The following ZNF274 variants were observed in gnomAD, a reference collection of about 807,000 sequenced individuals.
ZNF274 encodes the protein zinc finger protein 274.
In ZNF274, 23 loss-of-function variants were observed where a neutral mutation model predicts 42.5. The observed-to-expected ratio is 0.54, with a 90% CI of 0.39 to 0.77. ZNF274 has a LOEUF of 0.77. Ranked by LOEUF, ZNF274 falls within the 30% of genes least tolerant of loss-of-function variation. The pLI is 0.00. For synonymous variants in ZNF274, 292 were observed against 305.4 expected (o/e 0.96, Z 0.46); for missense variants, 679 against 806.5 (o/e 0.84, Z 1.91).
intron 4 of ZNF274, among the ~76,000 whole-genome samples, chr19:58,205,062 A>G (rs2075966387): frequency 6.6e-6 from 1 of 152,136 alleles, no homozygotes; most frequent in Non-Finnish European, 1.5e-5. Flanking sequence ...TGTGTTAACT[A>G]TATTTGGTTT....
intron 2 of ZNF274, 170 bp from the exon 3 acceptor site, chr19:58,185,542 G>A: frequency 1.9e-6 from 1 of 513,382 alleles, no homozygotes; most frequent in South Asian, 7.1e-5. Context: ...TCAAGCTTGG[G>A]TTTGCTTGGG....
At chr19:58,199,699 C>T (rs1436876241) in intron 4 of ZNF274, among the ~76,000 whole-genome samples, 5 of 152,130 alleles carry the variant, frequency 3.3e-5, no homozygotes, top group East Asian at 1.9e-4. Flanking sequence ...GCTTATGGTG[C>T]GAGATTCCAT....
At chr19:58,199,184 G>T (rs1307415736) in intron 4 of ZNF274, among the ~76,000 whole-genome samples, 1 of 151,856 alleles carries the variant, frequency 6.6e-6, no homozygotes, top group Admixed American at 6.6e-5. Flanking sequence ...TGGCAAACAT[G>T]TCAAAACCCT....
Position 58,211,723 on chromosome 19 carries a change from GGTA to G in ZNF274, c.979+39_979+41del. 1.9e-6 allele frequency: 3 copies of G among 1,584,694 alleles called. No homozygotes were observed. The highest frequency in any genetic ancestry group is 1.3e-5 in the African/African-American group (1 of 74,252). On this transcript the variant is annotated intron_variant, in intron 7 of 7. Transcript: ENST00000617501. The surrounding 1 kb of genome is among the most constrained non-coding windows in gnomAD (Gnocchi z 4.8). ...CCCCCTCTTCACCCACCTCAGGGCT[GGTA>G]GGCCACAGGAGCCCCAAGTCAGGGG...
chr19:58,186,176 TAAAAAAA>T (rs33929829), intron 3 of ZNF274: 1 of 134,178 alleles, frequency 7.5e-6, no homozygotes, highest in Admixed American at 7.6e-5. Context: ...GTGTCTCTAT[TAAAAAAA>T]AAAAAAAAAA....
chr19:58,194,982 C>G (rs2075824008), intron 4 of ZNF274, among the ~76,000 whole-genome samples: 3 of 151,222 alleles, frequency 2.0e-5, no homozygotes, highest in Admixed American at 6.6e-5. Context: ...GCCTGGGCGA[C>G]AGAGTGAGAC....
intron 4 of ZNF274, among the ~76,000 whole-genome samples, chr19:58,204,081 C>A (rs376994061): frequency 6.6e-6 from 1 of 152,152 alleles, no homozygotes; most frequent in African/African-American, 2.4e-5. Context: ...GGTTTGTACT[C>A]GAGGAACGGG....
intron 4 of ZNF274, among the ~76,000 whole-genome samples, chr19:58,200,719 C>T (rs1260670261): frequency 1.3e-5 from 2 of 152,126 alleles, no homozygotes; most frequent in Admixed American, 6.5e-5. Context: ...ACCCCTTTAG[C>T]GTCAAGGACA....
intron 4 of ZNF274, among the ~76,000 whole-genome samples, chr19:58,194,370 CCTTT>C (rs2075814280): frequency 9.3e-6 from 1 of 107,628 alleles, no homozygotes; most frequent in East Asian, 2.7e-4. Flanking sequence ...TTGTTTTTTA[CCTTT>C]TTTTTTTTTT....
chr19:58,185,817 T>G lies in ZNF274; in HGVS notation c.139T>G (p.Tyr47Asp), dbSNP rs2075691081. The change falls in exon 3 of 8, where the codon TAC becomes GAC. Residue 47 changes from tyrosine to aspartate, a missense_variant. Around this residue, in one of 2 missense-constraint regions of ZNF274, gnomAD observed 223 missense variants for 216.4 expected, o/e 1.03. Coordinates refer to ENST00000617501, the MANE Select transcript of ZNF274 (RefSeq NM_133502.3). ...SLYREVMLEN[Y>D]RNLVSVEHQL... ...GTACAGGGAAGTGATGCTGGAGAAC[T>G]ACAGGAACCTGGTCTCAGTGGGTAA... 7.1e-7 allele frequency: 1 copy of G among 1,405,260 alleles called. No individual in the cohort carries two copies. The highest frequency in any genetic ancestry group is 2.6e-5 in the Admixed American group (1 of 37,834). The allele number at this position is 1,405,260 out of a possible 1,614,324, so 87.0% of individuals were successfully genotyped here. A position where few individuals can be genotyped will look rare whatever the true frequency, so the allele number is the denominator to read the frequency against.
At chr19:58,206,244 TTAG>T (rs779475477) in intron 4 of ZNF274, among the ~76,000 whole-genome samples, 2 of 152,260 alleles carry the variant, frequency 1.3e-5, no homozygotes, top group African/African-American at 4.8e-5. Context: ...GTAGCATATA[TTAG>T]TAGTACTTCA....
In ZNF274 at chr19:58,211,063, C is replaced by T. The variant is rs1568713080; in HGVS notation, c.853-497C>T. On this transcript the variant is annotated intron_variant, in intron 6 of 7. Transcript: ENST00000617501. The surrounding 1 kb of genome is among the most constrained non-coding windows in gnomAD (Gnocchi z 4.8). ...ATTCTGCCCCATGTAAGCAAAATGC[C>T]TCAGATCCTGGCAAAGCAGCGTTGG... The T allele has an allele frequency of 6.6e-6, 1 of 152,654 alleles. No homozygotes were observed. The allele number at this position is 152,654 out of a possible 1,614,324, so 9.5% of individuals were successfully genotyped here.
intron 4 of ZNF274, among the ~76,000 whole-genome samples, chr19:58,204,473 T>C (rs1215477351): frequency 6.6e-6 from 1 of 152,018 alleles, no homozygotes; most frequent in Non-Finnish European, 1.5e-5. Flanking sequence ...GGTTGTGGCC[T>C]CGCATTCCTG....
chr19:58,205,511 C>T (rs2075970358), intron 4 of ZNF274, among the ~76,000 whole-genome samples: 1 of 152,076 alleles, frequency 6.6e-6, no homozygotes, highest in African/African-American at 2.4e-5. Flanking sequence ...TTAATTTAAA[C>T]TTTTTTAGAG....
At chr19:58,189,847 G>A (rs982266759) in intron 4 of ZNF274, among the ~76,000 whole-genome samples, 6 of 151,954 alleles carry the variant, frequency 3.9e-5, no homozygotes, top group South Asian at 2.1e-4. Context: ...TTGGCCGGGC[G>A]GGCACGGTGG....
intron 4 of ZNF274, among the ~76,000 whole-genome samples, chr19:58,188,722 AT>A (rs2075743180): frequency 1.5e-5 from 2 of 132,744 alleles, no homozygotes; most frequent in Non-Finnish European, 3.2e-5. Context: ...ATATATATAT[AT>A]AAATCTTTAA....
Position 58,206,866 on chromosome 19 carries a change from G to A in ZNF274, c.403G>A (p.Asp135Asn). The A allele has an allele frequency of 6.2e-7, 1 of 1,613,948 alleles. No individual in the cohort carries two copies. Among genetic ancestry groups the A allele is most frequent in the South Asian group, 1.1e-5 (1 of 91,056 alleles). The change falls in exon 5 of 8, where the codon GAT (aspartate) becomes AAT (asparagine). Residue 135 changes from aspartate (D) to asparagine (N), a missense_variant. Physicochemically the swap from Asp to Asn is conservative, Grantham distance 23 (BLOSUM62 1). This residue lies in a region of ZNF274 where 223 missense variants were observed against 216.4 expected (regional missense o/e 1.03). Coordinates refer to ENST00000617501, the MANE Select transcript of ZNF274 (RefSeq NM_133502.3). ...CCAGATCCAGGCCCTATATGCTGAA[G>A]ATGGAAGCCTGAGTGCAGATGCCCC... Reference protein sequence around the residue: ...NAQIQALYAEDGSLSADAPSE... With the variant: ...NAQIQALYAENGSLSADAPSE...
chr19:58,210,250 C>T lies in ZNF274; in HGVS notation c.852+177C>T, dbSNP rs533006757. The T allele has an allele frequency of 5.7e-6, 3 of 523,306 alleles. No homozygotes were observed. The African/African-American group carries it at 5.9e-5, about 10-fold the overall frequency. 32.4% of individuals were successfully genotyped at this position (523,306 alleles called of 1,614,324 possible). The stretch of plus-strand genomic sequence containing the variant: ...TCTGAGTATGAAGAGCAGCCCTGCC[C>T]TCCAGCCACTGTGGCATCACTGGAG... On this transcript the variant is annotated intron_variant, in intron 6 of 7. Coordinates refer to ENST00000617501, the MANE Select transcript of ZNF274 (RefSeq NM_133502.3).
chr19:58,207,178 G>A lies in ZNF274; in HGVS notation c.715G>A (p.Val239Met). ...AGAGGTGGTGGCCCTGGTAGAGGGT[G>A]TGACCTGGATGTCTGAGGAGGAAGG... The part of the protein sequence containing the change: ...CQEVVALVEG[V>M]TWMSEEEVLP... Residue 239 changes from valine (V) to methionine (M), a missense_variant, in exon 5 of 8, where the codon GTG (valine) becomes ATG (methionine). Val to Met is a conservative substitution (Grantham distance 21). This residue lies in a region of ZNF274 where 456 missense variants were observed against 590.1 expected (regional missense o/e 0.77). Coordinates refer to ENST00000617501, the MANE Select transcript of ZNF274 (RefSeq NM_133502.3). The surrounding 1 kb of genome is among the most constrained non-coding windows in gnomAD (Gnocchi z 5.6). 6.2e-7 allele frequency: 1 copy of A among 1,612,618 alleles called. No homozygotes were observed. Among genetic ancestry groups the A allele is most frequent in the Non-Finnish European group, 8.5e-7 (1 of 1,179,210 alleles).
Sources: allele counts gnomAD v4.1 joint callset (sites outside exome capture counted in the v4.1 genomes callset), GRCh38; gene constraint gnomAD v4.1.1; regional missense constraint gnomAD v4.1.1; non-coding constraint Gnocchi (gnomAD v3.1); transcripts MANE v1.5; gene names NCBI Gene and HGNC (gene_info 2026-07-23, HGNC 2026-07-21).